Variants in CCNY observed in about 807,000 individuals in gnomAD.
The protein encoded by CCNY is cyclin Y.
Under a neutral mutation model 42.8 loss-of-function variants are expected in CCNY, and 19 were observed. The ratio of observed to expected loss-of-function variants is 0.44; its 90% CI spans 0.31 to 0.65. CCNY has a LOEUF of 0.65. CCNY is among the 30% of genes least tolerant of loss of function. The pLI is 0.07. For synonymous variants in CCNY, 165 were observed against 162.7 expected, an observed-to-expected ratio of 1.01 and a Z score of -0.11; for missense variants, 370 against 437.3, an observed-to-expected ratio of 0.85 and a Z score of 1.37.
intron 3 of CCNY, among the ~76,000 whole-genome samples, chr10:35,267,136 C>T (rs112414116): frequency 0.01 from 1,532 of 150,798 alleles, 20 homozygotes; most frequent in African/African-American, 0.036. Flanking sequence ...CATAGAACAG[C>T]TCTTTCCATA....
At chr10:35,290,121 C>G (rs1054462901) in intron 3 of CCNY, among the ~76,000 whole-genome samples, 9 of 150,250 alleles carry the variant, frequency 6.0e-5, no homozygotes, top group African/African-American at 1.2e-4. Flanking sequence ...AGCTACTCGG[C>G]GGGCTGAGGC....
At chr10:35,450,344 G>T (rs1022371655) in intron 1 of CCNY, among the ~76,000 whole-genome samples, 5 of 152,152 alleles carry the variant, frequency 3.3e-5, no homozygotes, top group African/African-American at 1.2e-4. Context: ...ACCAGGCCTT[G>T]CAGGGCAGTG....
chr10:35,437,411 T>G (rs778336874), intron 1 of CCNY, among the ~76,000 whole-genome samples: 5 of 152,142 alleles, frequency 3.3e-5, no homozygotes, highest in Non-Finnish European at 4.4e-5. Context: ...TTCAGGCACT[T>G]TGGGAGGTGG....
chr10:35,337,192 C>G lies in CCNY; in HGVS notation c.139C>G (p.Arg47Gly). 1 of 1,561,212 alleles carries G rather than the reference C, an allele frequency of 6.4e-7. No homozygotes were observed. Among genetic ancestry groups the G allele is most frequent in the Non-Finnish European group, 8.7e-7 (1 of 1,155,132 alleles). ...CTGCAACCTGCAGCACATCAGCGAC[C>G]GGGAGAACATAGACGGTGAGTGCGG... is the stretch of plus-strand genomic sequence containing the variant. The part of the protein sequence containing the change: ...TGCNLQHISD[R>G]ENIDDLNMEF... Residue 47 changes from arginine (R) to glycine (G), a missense_variant, in exon 1 of 10, where the codon CGG (arginine) becomes GGG (glycine). By Grantham distance (125) the Arg-to-Gly change is moderately radical. This residue lies in a region of CCNY where 136 missense variants were observed against 124.2 expected (regional missense o/e 1.09). Coordinates refer to ENST00000374704, the MANE Select transcript of CCNY (RefSeq NM_145012.6).
chr10:35,542,257 G>A (rs906005343), intron 7 of CCNY, among the ~76,000 whole-genome samples: 1 of 151,116 alleles, frequency 6.6e-6, no homozygotes, highest in Non-Finnish European at 1.5e-5. Context: ...GGATTTGTCT[G>A]ACGTTTTTGT....
At chr10:35,541,417 CGACG>C (rs1281319889) in intron 7 of CCNY, among the ~76,000 whole-genome samples, 1 of 152,074 alleles carries the variant, frequency 6.6e-6, no homozygotes, top group East Asian at 1.9e-4. Flanking sequence ...ATTATTTTTG[CGACG>C]GATCTCATTC....
chr10:35,483,809 G>A (rs1839725769), intron 2 of CCNY, among the ~76,000 whole-genome samples: 1 of 152,124 alleles, frequency 6.6e-6, no homozygotes, highest in African/African-American at 2.4e-5. Flanking sequence ...AGAAGTATTT[G>A]TTAATTTAGA....
intron 1 of CCNY, among the ~76,000 whole-genome samples, chr10:35,411,702 T>C (rs1837909503): frequency 6.6e-6 from 1 of 152,134 alleles, no homozygotes; most frequent in African/African-American, 2.4e-5. Flanking sequence ...TTCTCACCCC[T>C]ACCTGGGAAA....
At chr10:35,519,604 G>C (rs1404427225) in intron 4 of CCNY, among the ~76,000 whole-genome samples, 1 of 151,782 alleles carries the variant, frequency 6.6e-6, no homozygotes, top group Non-Finnish European at 1.5e-5. Flanking sequence ...ATGAACTGCG[G>C]GTTAGAATGT....
intron 7 of CCNY, among the ~76,000 whole-genome samples, chr10:35,542,738 A>G (rs1266773280): frequency 6.6e-6 from 1 of 152,188 alleles, no homozygotes; most frequent in East Asian, 1.9e-4. Flanking sequence ...GTGACTGTGG[A>G]ATCAATTGAG....
intron 9 of CCNY, 62 bp from the exon 10 acceptor site, chr10:35,568,992 C>T (rs563277651): frequency 3.5e-5 from 39 of 1,108,740 alleles, no homozygotes; most frequent in Admixed American, 2.9e-4. Flanking sequence ...GCGCCCAGGA[C>T]GAGTGAGCAA....
chr10:35,302,111 C>T (rs1397742810), intron 3 of CCNY, among the ~76,000 whole-genome samples: 9 of 150,898 alleles, frequency 6.0e-5, no homozygotes, highest in Non-Finnish European at 8.9e-5. Context: ...TACAGGCACA[C>T]GCCACCACGC....
intron 1 of CCNY, among the ~76,000 whole-genome samples, chr10:35,419,193 T>G (rs1180666529): frequency 6.6e-6 from 1 of 152,188 alleles, no homozygotes; most frequent in Non-Finnish European, 1.5e-5. Flanking sequence ...TGACATACTG[T>G]GGGTGCTCAA....
intron 2 of CCNY, among the ~76,000 whole-genome samples, chr10:35,250,278 T>C (rs1043865064): frequency 6.7e-6 from 1 of 150,340 alleles, no homozygotes; most frequent in Non-Finnish European, 1.5e-5. Context: ...GGCAGGAGAA[T>C]CACTTGAACC....
chr10:35,503,584 G>C (rs1310783082), intron 3 of CCNY, among the ~76,000 whole-genome samples: 2 of 152,202 alleles, frequency 1.3e-5, no homozygotes, highest in Non-Finnish European at 1.5e-5. Flanking sequence ...TAGTAAGTTA[G>C]AACAGTGGAG....
intron 1 of CCNY, among the ~76,000 whole-genome samples, chr10:35,353,084 C>T (rs1423938145): frequency 1.3e-5 from 2 of 152,204 alleles, no homozygotes; most frequent in African/African-American, 2.4e-5. Flanking sequence ...CACCACCATG[C>T]CTGGCTAAGT....
At chr10:35,255,426 T>C (rs1416128206) in intron 3 of CCNY, among the ~76,000 whole-genome samples, 1 of 151,560 alleles carries the variant, frequency 6.6e-6, no homozygotes, top group Non-Finnish European at 1.5e-5. Flanking sequence ...GTTCAAGCGA[T>C]TCTGGGACTA....
At chr10:35,255,549 C>G (rs908403192) in intron 3 of CCNY, among the ~76,000 whole-genome samples, 5 of 151,768 alleles carry the variant, frequency 3.3e-5, no homozygotes, top group Non-Finnish European at 7.4e-5. Flanking sequence ...CCACCTGCCT[C>G]GGTCTCCCAA....
intron 3 of CCNY, among the ~76,000 whole-genome samples, chr10:35,513,922 G>A (rs1028779680): frequency 2.6e-5 from 4 of 152,066 alleles, no homozygotes; most frequent in Non-Finnish European, 4.4e-5. Flanking sequence ...CCTGACACAC[G>A]TGTGCTTATG....
Sources: allele counts gnomAD v4.1 joint callset (sites outside exome capture counted in the v4.1 genomes callset), GRCh38; gene constraint gnomAD v4.1.1; regional missense constraint gnomAD v4.1.1; transcripts MANE v1.5; gene names NCBI Gene and HGNC (gene_info 2026-07-23, HGNC 2026-07-21).